Variants in SOX5 observed in about 807,000 individuals in gnomAD.
SOX5 encodes the protein transcription factor SOX-5.
In SOX5, 9 loss-of-function variants were observed where a neutral mutation model predicts 92.0. The ratio of observed to expected loss-of-function variants is 0.10; its 90% confidence interval spans 0.06 to 0.17. The LOEUF (loss-of-function observed/expected upper bound fraction) is 0.17, where lower values mean the gene tolerates loss of function less well. SOX5 is among the 10% of genes least tolerant of loss of function. The pLI, the probability that SOX5 is intolerant of heterozygous loss-of-function variation, is 1.00. For missense variants in SOX5, 642 were observed against 944.5 expected (o/e 0.68, Z 4.20); for synonymous variants, 344 against 336.3 (o/e 1.02, Z -0.25).
At chr12:23,632,353 G>C (rs995590666) in intron 8 of SOX5, among the ~76,000 whole-genome samples, 5 of 152,160 alleles carry the variant, frequency 3.3e-5, no homozygotes, top group Non-Finnish European at 7.4e-5. Flanking sequence ...GTATGAAAAT[G>C]ATACGACCTA....
chr12:23,746,148 A>T (rs143382491), intron 4 of SOX5, among the ~76,000 whole-genome samples: 313 of 152,278 alleles, frequency 2.1e-3, no homozygotes, highest in African/African-American at 7.2e-3. Flanking sequence ...TTCATCTCTA[A>T]ATTATCACAT....
chr12:24,378,835 T>C (rs1957541459), intron 1 of SOX5, among the ~76,000 whole-genome samples: 1 of 152,218 alleles, frequency 6.6e-6, no homozygotes, highest in African/African-American at 2.4e-5. Context: ...CTGTTGCTTT[T>C]AAAAAGACAG....
chr12:23,869,851 T>A (rs574872203), intron 2 of SOX5, among the ~76,000 whole-genome samples: 9 of 152,246 alleles, frequency 5.9e-5, no homozygotes, highest in African/African-American at 1.9e-4. Context: ...TATCCATTCA[T>A]CTGTAATACT....
intron 6 of SOX5, among the ~76,000 whole-genome samples, chr12:23,726,175 G>GAGAGAGAGGGGA (rs1593717537): frequency 7.6e-6 from 1 of 132,280 alleles, no homozygotes; most frequent in African/African-American, 3.2e-5. Flanking sequence ...GAGAGAGAGA[G>GAGAGAGAGGGGA]GTCAGTTTCT....
intron 4 of SOX5, among the ~76,000 whole-genome samples, chr12:24,183,792 G>T (rs1398698797): frequency 6.6e-6 from 1 of 152,142 alleles, no homozygotes; most frequent in Non-Finnish European, 1.5e-5. Flanking sequence ...CGAGGGTTTA[G>T]TTCCTGACTC....
chr12:23,581,809 G>C (rs11046989), intron 9 of SOX5, among the ~76,000 whole-genome samples: 39,042 of 151,700 alleles, frequency 0.26, 5,840 homozygotes, highest in East Asian at 0.57. Flanking sequence ...AAACTCCTTT[G>C]AGAACAGTTT....
At chr12:24,198,292 T>C (rs1035078670) in intron 4 of SOX5, among the ~76,000 whole-genome samples, 2 of 152,186 alleles carry the variant, frequency 1.3e-5, no homozygotes, top group Non-Finnish European at 1.5e-5. Context: ...TTTAAATTTA[T>C]AGCATTCTTT....
At chr12:23,856,857 T>C (rs913204895) in intron 2 of SOX5, among the ~76,000 whole-genome samples, 1 of 152,148 alleles carries the variant, frequency 6.6e-6, no homozygotes, top group Admixed American at 6.5e-5. Context: ...CTTCTTATCA[T>C]AGTACTAATC....
At chr12:24,341,815 G>A (rs566360539) in intron 2 of SOX5, among the ~76,000 whole-genome samples, 1 of 152,232 alleles carries the variant, frequency 6.6e-6, no homozygotes, top group South Asian at 2.1e-4. Context: ...CAGCCTCCCT[G>A]AGAGGGTAGC....
At chr12:24,487,177 A>G (rs1042066599) in intron 1 of SOX5, among the ~76,000 whole-genome samples, 2 of 152,182 alleles carry the variant, frequency 1.3e-5, no homozygotes, top group Admixed American at 1.3e-4. Context: ...TGAAAATTTG[A>G]TCAAAGAAGT....
chr12:24,060,907 A>T (rs1939559792), intron 4 of SOX5, among the ~76,000 whole-genome samples: 1 of 152,226 alleles, frequency 6.6e-6, no homozygotes, highest in Non-Finnish European at 1.5e-5. Flanking sequence ...TGATCTGGTC[A>T]TGCTTAAAGC....
intron 2 of SOX5, among the ~76,000 whole-genome samples, chr12:24,350,930 G>T (rs140239094): frequency 1.3e-5 from 2 of 152,046 alleles, no homozygotes. Flanking sequence ...GTGCACACAC[G>T]CCTGTAATCC....
intron 4 of SOX5, among the ~76,000 whole-genome samples, chr12:24,165,736 G>A (rs189930997): frequency 2.4e-4 from 36 of 152,204 alleles, no homozygotes; most frequent in African/African-American, 7.5e-4. Flanking sequence ...CAGAGCCAAC[G>A]GTGGGGAAGA....
intron 1 of SOX5, among the ~76,000 whole-genome samples, chr12:24,517,703 GTTT>G (rs56402961): frequency 2.8e-5 from 4 of 140,806 alleles, no homozygotes; most frequent in Non-Finnish European, 4.8e-5. Context: ...TTAATTCCAT[GTTT>G]TTTTTTTTTT....
intron 2 of SOX5, among the ~76,000 whole-genome samples, chr12:24,309,781 G>A (rs1219557882): frequency 6.6e-6 from 1 of 152,102 alleles, no homozygotes; most frequent in East Asian, 1.9e-4. Context: ...TGTAAAAACC[G>A]TGATAGGAAA....
intron 6 of SOX5, among the ~76,000 whole-genome samples, chr12:23,672,830 C>T (rs1165829735): frequency 6.6e-6 from 1 of 152,070 alleles, no homozygotes; most frequent in Non-Finnish European, 1.5e-5. Flanking sequence ...TACTTTAACA[C>T]AATAAAATTT....
At chr12:23,734,642 T>C (rs1485339765) in intron 6 of SOX5, 42 bp downstream of exon 6, 1 of 1,401,658 alleles carries the variant, frequency 7.1e-7, no homozygotes, top group Non-Finnish European at 1.0e-6. Flanking sequence ...ACAGAATATA[T>C]ATTTTTTAAA....
At chr12:23,899,649 C>T (rs919431004) in intron 1 of SOX5, among the ~76,000 whole-genome samples, 1 of 152,122 alleles carries the variant, frequency 6.6e-6, no homozygotes, top group Non-Finnish European at 1.5e-5. Context: ...GTGAAACTGC[C>T]TTGGGGAGTA....
intron 11 of SOX5, among the ~76,000 whole-genome samples, chr12:23,554,124 T>A (rs1405120786): frequency 6.6e-6 from 1 of 152,072 alleles, no homozygotes; most frequent in Non-Finnish European, 1.5e-5. Flanking sequence ...TAAATCTCCT[T>A]ATAATGAATA....
Sources: gnomAD v4.1 joint callset for allele counts (sites outside exome capture counted in the v4.1 genomes callset) on GRCh38, gnomAD v4.1.1 for gene constraint, MANE v1.5 for transcripts, NCBI Gene and HGNC (gene_info 2026-07-23, HGNC 2026-07-21) for gene names.